CAMK1D: variants seen among roughly 807,000 people sequenced by gnomAD.
CAMK1D encodes calcium/calmodulin dependent protein kinase ID.
Under a neutral mutation model 47.7 loss-of-function variants are expected in CAMK1D, and 9 were observed. The observed-to-expected ratio is 0.19, with a 90% CI of 0.11 to 0.33. The LOEUF is 0.33. CAMK1D is among the 10% of genes least tolerant of loss of function. The probability of loss-of-function intolerance (pLI) is 1.00; values close to 1 mark genes in which losing one functional copy is unlikely to be tolerated. For missense variants in CAMK1D, 291 were observed against 488.7 expected (o/e 0.60, Z 3.81); for synonymous variants, 184 against 184.9 (o/e 0.99, Z 0.04).
intron 1 of CAMK1D, among the ~76,000 whole-genome samples, chr10:12,384,209 C>A (rs1468473308): frequency 6.6e-6 from 1 of 152,128 alleles, no homozygotes; most frequent in East Asian, 1.9e-4. Context: ...TTAATGAAGA[C>A]TTAAATAAAT....
Position 12,553,278 on chromosome 10 carries a change from T to A in CAMK1D, c.146T>A (p.Phe49Tyr), listed in dbSNP as rs1254573817. ...LAEEKATGKL[F>Y]AVKCIPKKAL... The stretch of plus-strand genomic sequence containing the variant: ...GAAGAGAAGGCAACTGGCAAGCTCT[T>A]TGCTGTGAAGTGTATCCCTAAGAAG... The change falls in exon 2 of 11, where the codon TTT (phenylalanine) becomes TAT (tyrosine). Residue 49 changes from phenylalanine to tyrosine, a missense_variant. Transcript: ENST00000619168. 6.2e-7 allele frequency: 1 copy of A among 1,614,176 alleles called. No individual in the cohort carries two copies. The highest frequency in any genetic ancestry group is 8.5e-7 in the Non-Finnish European group (1 of 1,180,034).
At chr10:12,620,607 A>G (rs539124830) in intron 2 of CAMK1D, among the ~76,000 whole-genome samples, 3 of 152,120 alleles carry the variant, frequency 2.0e-5, no homozygotes, top group South Asian at 2.1e-4. Flanking sequence ...CTCATGTTCT[A>G]TCTGGGTTGT....
At chr10:12,605,850 G>T (rs984955178) in intron 2 of CAMK1D, among the ~76,000 whole-genome samples, 5 of 152,170 alleles carry the variant, frequency 3.3e-5, no homozygotes, top group African/African-American at 1.2e-4. Context: ...AAAGTAAACA[G>T]CTCAGCCTCT....
chr10:12,462,820 T>C (rs2724796), intron 1 of CAMK1D, among the ~76,000 whole-genome samples: 118,851 of 152,050 alleles, frequency 0.78, 46,647 homozygotes, highest in East Asian at 0.93. Flanking sequence ...GCTCCTGCCC[T>C]GAGTAGCTGG....
intron 1 of CAMK1D, among the ~76,000 whole-genome samples, chr10:12,408,802 C>T (rs916455477): frequency 6.6e-6 from 1 of 151,326 alleles, no homozygotes; most frequent in Non-Finnish European, 1.5e-5. Flanking sequence ...GTGATATAGG[C>T]GTCTTTTTCC....
At chr10:12,734,433 T>TAC (rs1278593658) in intron 3 of CAMK1D, among the ~76,000 whole-genome samples, 1 of 2,306 alleles carries the variant, frequency 4.3e-4, no homozygotes, top group Non-Finnish European at 0.018. Context: ...TATATATATA[T>TAC]ACACACACAC....
chr10:12,606,343 C>T (rs989564999), intron 2 of CAMK1D, among the ~76,000 whole-genome samples: 1 of 152,188 alleles, frequency 6.6e-6, no homozygotes, highest in Non-Finnish European at 1.5e-5. Flanking sequence ...CGGTCACGCA[C>T]GTTTCCTCCA....
At chr10:12,721,910 A>G (rs1834393934) in intron 3 of CAMK1D, among the ~76,000 whole-genome samples, 1 of 152,176 alleles carries the variant, frequency 6.6e-6, no homozygotes, top group Non-Finnish European at 1.5e-5. Flanking sequence ...TTTTAACAGT[A>G]GGAGTTACTG....
chr10:12,405,947 C>T (rs185477165), intron 1 of CAMK1D, among the ~76,000 whole-genome samples: 18 of 152,180 alleles, frequency 1.2e-4, no homozygotes, highest in South Asian at 4.2e-4. Context: ...TTGAAATCGA[C>T]GGGAGAAAGG....
chr10:12,676,997 G>T (rs753306270), intron 3 of CAMK1D, among the ~76,000 whole-genome samples: 2 of 152,046 alleles, frequency 1.3e-5, no homozygotes, highest in Non-Finnish European at 2.9e-5. Flanking sequence ...GTGATTTCCT[G>T]CTGAGCTTGA....
At chr10:12,351,382 ACT>A (rs1837351264) in intron 1 of CAMK1D, among the ~76,000 whole-genome samples, 1 of 152,128 alleles carries the variant, frequency 6.6e-6, no homozygotes, top group African/African-American at 2.4e-5. Flanking sequence ...GAAAATTGCC[ACT>A]GAGGTTTATT....
intron 2 of CAMK1D, among the ~76,000 whole-genome samples, chr10:12,564,800 G>A (rs556051652): frequency 6.6e-6 from 1 of 152,320 alleles, no homozygotes; most frequent in African/African-American, 2.4e-5. Context: ...TGCTGCAATA[G>A]ATGTAGTGTT....
chr10:12,593,632 A>G (rs1838060594), intron 2 of CAMK1D, among the ~76,000 whole-genome samples: 1 of 151,734 alleles, frequency 6.6e-6, no homozygotes, highest in South Asian at 2.1e-4. Flanking sequence ...TCACCACTAT[A>G]AACTTCATCC....
chr10:12,650,914 T>C (rs1839942399), intron 2 of CAMK1D, among the ~76,000 whole-genome samples: 1 of 152,188 alleles, frequency 6.6e-6, no homozygotes, highest in Admixed American at 6.5e-5. Context: ...CCCCACACCC[T>C]TACTGCAGGG....
chr10:12,709,067 C>T (rs1267731314), intron 3 of CAMK1D, among the ~76,000 whole-genome samples: 1 of 152,226 alleles, frequency 6.6e-6, no homozygotes, highest in Non-Finnish European at 1.5e-5. Flanking sequence ...GGTGGCTACC[C>T]AGGTCCAAGC....
intron 2 of CAMK1D, among the ~76,000 whole-genome samples, chr10:12,652,151 G>A (rs1439593047): frequency 1.3e-5 from 2 of 152,120 alleles, no homozygotes; most frequent in African/African-American, 4.8e-5. Context: ...ACTAGTTGGA[G>A]TGGGGAAGAA....
At chr10:12,685,075 T>A (rs893556379) in intron 3 of CAMK1D, among the ~76,000 whole-genome samples, 1 of 152,026 alleles carries the variant, frequency 6.6e-6, no homozygotes. Flanking sequence ...CCGAGGTGGG[T>A]GAATCATTTG....
In CAMK1D at chr10:12,597,587, G is replaced by T. The variant is rs77937141; in HGVS notation, c.224+44231G>T. Among the ~76,000 whole-genome samples, 16 of 152,312 alleles carry T rather than the reference G, an allele frequency of 1.1e-4. No individual in the cohort carries two copies. In the East Asian group the frequency reaches 3.1e-3, roughly 29 times the overall value. ...GCAGAGGCACGTGACTTTTCATAGAGGGGCACTTCCATGGCCCAGTTGTTC... is the reference window on the plus strand; with the variant it reads ...GCAGAGGCACGTGACTTTTCATAGATGGGCACTTCCATGGCCCAGTTGTTC... On this transcript the variant is annotated intron_variant, in intron 2 of 10. Coordinates refer to ENST00000619168, the MANE Select transcript of CAMK1D (RefSeq NM_153498.4).
chr10:12,638,585 C>G (rs553260716), intron 2 of CAMK1D, among the ~76,000 whole-genome samples: 6 of 152,294 alleles, frequency 3.9e-5, no homozygotes, highest in Non-Finnish European at 8.8e-5. Context: ...CCAGCCTCCC[C>G]CTTTGTGAGC....
Sources: allele counts gnomAD v4.1 joint callset (sites outside exome capture counted in the v4.1 genomes callset), GRCh38; gene constraint gnomAD v4.1.1; transcripts MANE v1.5; gene names NCBI Gene and HGNC (gene_info 2026-07-23, HGNC 2026-07-21).